The following PPP2R5E variants were observed in gnomAD, a reference collection of about 807,000 sequenced individuals.
PPP2R5E encodes the protein protein phosphatase 2 regulatory subunit B'epsilon.
In PPP2R5E, 4 loss-of-function variants were observed where a neutral mutation model predicts 65.3. That is an observed-to-expected ratio of 0.06 (90% confidence interval 0.03 to 0.14). The LOEUF (loss-of-function observed/expected upper bound fraction) is 0.14. PPP2R5E is among the 10% of genes least tolerant of loss of function. The pLI is 1.00. For synonymous variants in PPP2R5E, 183 were observed against 187.4 expected, an observed-to-expected ratio of 0.98 and a Z score of 0.19; for missense variants, 274 against 556.1, an observed-to-expected ratio of 0.49 and a Z score of 5.10.
chr14:63,533,732 G>C (rs1034263861), intron 2 of PPP2R5E, among the ~76,000 whole-genome samples: 1 of 152,182 alleles, frequency 6.6e-6, no homozygotes, highest in Non-Finnish European at 1.5e-5. Flanking sequence ...CGCACCTGTG[G>C]TCAGGAGTTC....
intron 2 of PPP2R5E, among the ~76,000 whole-genome samples, chr14:63,463,434 G>A (rs1370625535): frequency 1.3e-5 from 2 of 150,096 alleles, no homozygotes; most frequent in East Asian, 4.1e-4. Context: ...AGTTTTTAAT[G>A]ACCCAATATG....
intron 3 of PPP2R5E, among the ~76,000 whole-genome samples, chr14:63,433,867 G>T (rs1055764429): frequency 6.6e-6 from 1 of 152,122 alleles, no homozygotes; most frequent in African/African-American, 2.4e-5. Flanking sequence ...CATGTGACTT[G>T]CCCTGTCTTG....
intron 2 of PPP2R5E, among the ~76,000 whole-genome samples, chr14:63,474,132 G>T (rs77218337): frequency 0.054 from 8,154 of 152,274 alleles, 580 homozygotes; most frequent in African/African-American, 0.17. Context: ...AGAATCGTGG[G>T]AAGGATTGGA....
At chr14:63,386,843 G>C (rs1288486397) in intron 11 of PPP2R5E, among the ~76,000 whole-genome samples, 1 of 151,400 alleles carries the variant, frequency 6.6e-6, no homozygotes, top group East Asian at 1.9e-4. Flanking sequence ...AGAATCGCTT[G>C]AACCCGGGAG....
intron 2 of PPP2R5E, among the ~76,000 whole-genome samples, chr14:63,533,871 TG>T (rs1183565282): frequency 4.0e-5 from 6 of 151,764 alleles, no homozygotes; most frequent in African/African-American, 1.5e-4. Flanking sequence ...CACTTGAACC[TG>T]GGAGGCAGAG....
intron 5 of PPP2R5E, among the ~76,000 whole-genome samples, chr14:63,398,297 T>C (rs964635027): frequency 2.0e-5 from 3 of 152,200 alleles, no homozygotes; most frequent in Non-Finnish European, 1.5e-5. Flanking sequence ...AAAATACTCT[T>C]GAGGGAAACA....
intron 2 of PPP2R5E, among the ~76,000 whole-genome samples, chr14:63,462,485 C>T (rs74501358): frequency 6.6e-6 from 1 of 152,130 alleles, no homozygotes; most frequent in African/African-American, 2.4e-5. Flanking sequence ...CATGAAACTG[C>T]ACATACCTCC....
chr14:63,499,587 G>A (rs904829168), intron 2 of PPP2R5E, among the ~76,000 whole-genome samples: 1 of 152,162 alleles, frequency 6.6e-6, no homozygotes, highest in Non-Finnish European at 1.5e-5. Context: ...AGCCAGGCGT[G>A]GTGGCACTGC....
chr14:63,467,775 G>GTC (rs1889911468), intron 2 of PPP2R5E, among the ~76,000 whole-genome samples: 1 of 152,158 alleles, frequency 6.6e-6, no homozygotes, highest in South Asian at 2.1e-4. Context: ...TGTCCTTGGG[G>GTC]TCACACACAC....
chr14:63,496,593 G>A (rs558255662), intron 2 of PPP2R5E, among the ~76,000 whole-genome samples: 1 of 152,116 alleles, frequency 6.6e-6, no homozygotes, highest in Admixed American at 6.6e-5. Flanking sequence ...GTTCAATTTA[G>A]AACATTGTTT....
At chr14:63,402,480 G>C (rs1885810579) in intron 5 of PPP2R5E, among the ~76,000 whole-genome samples, 2 of 152,152 alleles carry the variant, frequency 1.3e-5, no homozygotes, top group Admixed American at 1.3e-4. Flanking sequence ...AAGGAACTCA[G>C]AGGAAACAGG....
chr14:63,377,691 C>T (rs1232442065), intron 13 of PPP2R5E, among the ~76,000 whole-genome samples: 1 of 152,070 alleles, frequency 6.6e-6, no homozygotes, highest in Non-Finnish European at 1.5e-5. Context: ...GCCTTGTTTA[C>T]CATAATTAGT....
At chr14:63,394,074 T>C in intron 7 of PPP2R5E, 146 bp from the exon 8 acceptor site, 4 of 239,324 alleles carry the variant, frequency 1.7e-5, no homozygotes, top group Non-Finnish European at 2.6e-5. Context: ...AATTTCCTTT[T>C]TTTTTTTTTT....
chr14:63,435,865 A>G (rs185507940), intron 3 of PPP2R5E, among the ~76,000 whole-genome samples: 80 of 152,346 alleles, frequency 5.3e-4, no homozygotes, highest in Admixed American at 2.3e-3. Context: ...GGGAAATGAT[A>G]TTTCACACAG....
At chr14:63,420,688 G>C (rs77610860) in intron 4 of PPP2R5E, among the ~76,000 whole-genome samples, 3,871 of 152,230 alleles carry the variant, frequency 0.025, 159 homozygotes, top group African/African-American at 0.087. Context: ...AAATTCTGAA[G>C]TAGGGGGGAA....
intron 2 of PPP2R5E, among the ~76,000 whole-genome samples, chr14:63,513,570 G>A (rs1892546766): frequency 6.6e-6 from 1 of 152,202 alleles, no homozygotes; most frequent in South Asian, 2.1e-4. Context: ...CAAATGAACA[G>A]ATTGTAGAGC....
At chr14:63,419,664 G>A (rs1886896577) in intron 4 of PPP2R5E, among the ~76,000 whole-genome samples, 1 of 152,170 alleles carries the variant, frequency 6.6e-6, no homozygotes. Context: ...TGTGCCTAGT[G>A]ACCTAAACTT....
intron 2 of PPP2R5E, among the ~76,000 whole-genome samples, chr14:63,500,760 G>A (rs1490064784): frequency 6.6e-6 from 1 of 152,072 alleles, no homozygotes; most frequent in Non-Finnish European, 1.5e-5. Flanking sequence ...CAACTACTCA[G>A]GAGGCTGAGG....
chr14:63,463,321 T>G (rs904537223), intron 2 of PPP2R5E, among the ~76,000 whole-genome samples: 3 of 150,736 alleles, frequency 2.0e-5, no homozygotes, highest in African/African-American at 7.3e-5. Context: ...TTGTATCTTT[T>G]AGTAGAGACG....
Sources: gnomAD v4.1 joint callset for allele counts (sites outside exome capture counted in the v4.1 genomes callset) on GRCh38, gnomAD v4.1.1 for gene constraint, MANE v1.5 for transcripts, NCBI Gene and HGNC (gene_info 2026-07-23, HGNC 2026-07-21) for gene names.